The following OR10G3 variants were observed in gnomAD, a reference collection of about 807,000 sequenced individuals.
The protein encoded by OR10G3 is olfactory receptor family 10 subfamily G member 3, also known as olfactory receptor 10G3.
OR10G3 carries 8 observed loss-of-function variants against 13.4 expected under a neutral mutation model. The observed-to-expected ratio is 0.60, with a 90% CI of 0.35 to 1.08. The LOEUF is 1.08. OR10G3 is among the 50% of genes least tolerant of loss of function. OR10G3 has a pLI of 0.02. For synonymous variants in OR10G3, 142 were observed against 156.1 expected (o/e 0.91, Z 0.67); for missense variants, 393 against 386.6 (o/e 1.02, Z -0.14).
At chr14:21,578,894 A>G (rs1876819983) in intron 1 of OR10G3, among the ~76,000 whole-genome samples, 1 of 152,254 alleles carries the variant, frequency 6.6e-6, no homozygotes, top group South Asian at 2.1e-4. Flanking sequence ...GAGACATGAG[A>G]CAATTTCTAT....
chr14:21,578,010 A>G (rs1876798914), intron 1 of OR10G3, among the ~76,000 whole-genome samples: 1 of 152,174 alleles, frequency 6.6e-6, no homozygotes, highest in Non-Finnish European at 1.5e-5. Flanking sequence ...CTCAAAAAAA[A>G]AGAAAAAAGC....
intron 1 of OR10G3, chr14:21,574,812 G>C (rs1003208793): frequency 1.3e-5 from 2 of 152,112 alleles, no homozygotes; most frequent in African/African-American, 4.8e-5. Flanking sequence ...TTTACTGGGC[G>C]TATTGGCACG....
At chr14:21,572,010 G>T (rs199597343) in intron 1 of OR10G3, among the ~76,000 whole-genome samples, 1 of 151,628 alleles carries the variant, frequency 6.6e-6, no homozygotes. Flanking sequence ...AAGGGTTGGC[G>T]GGTGGGCTCG....
At chr14:21,576,598 G>A (rs985362643) in intron 1 of OR10G3, among the ~76,000 whole-genome samples, 4 of 152,090 alleles carry the variant, frequency 2.6e-5, no homozygotes, top group Admixed American at 2.0e-4. Context: ...GATTGCCTTT[G>A]TTATTTCCAT....
rs370817486 is a variant in OR10G3 at position 21,570,351 on chromosome 14, G to A, written c.394C>T (p.Arg132Cys). 18 of 1,614,178 alleles carry A rather than the reference G, an allele frequency of 1.1e-5. No homozygotes were observed. The highest frequency in any genetic ancestry group is 1.1e-4 in the African/African-American group (8 of 75,054). Residue 132 changes from arginine to cysteine, a missense_variant, in exon 2 of 2, where the codon CGC (arginine) becomes TGC (cysteine). Physicochemically the swap from Arg to Cys is radical, Grantham distance 180. Coordinates refer to ENST00000641040, the MANE Select transcript of OR10G3 (RefSeq NM_001005465.2). ...TTAGCAGTCATGAGCACAGGGTAGC[G>A]CAGGGGCTGACATATTGCCAGGTAC... ...DRYLAICQPL[R>C]YPVLMTAKLS...
rs74618428 is a variant in OR10G3, at chr14:21,569,108, C to T, written c.*695G>A. On this transcript the variant is annotated 3_prime_UTR_variant, in exon 2 of 2. Transcript: ENST00000641040. ...TCACTCACATGGTCACAAGGTCCCA[C>T]AATAGGCCATCTGCAGGCTGAGGAG... 6.6e-6 allele frequency: 1 copy of T among 152,196 alleles called. No individual in the cohort carries two copies. Among genetic ancestry groups the T allele is most frequent in the African/African-American group, 2.4e-5 (1 of 41,306 alleles). The allele number at this position is 152,196 out of a possible 1,614,324, so 9.4% of individuals were successfully genotyped here. A position where few individuals can be genotyped will look rare whatever the true frequency, so the allele number is the denominator to read the frequency against.
rs145180023 is a variant in OR10G3 at position 21,570,123 on chromosome 14, C to T, written c.622G>A (p.Val208Ile). 1.9e-6 allele frequency: 3 copies of T among 1,614,094 alleles called. No homozygotes were observed. Among genetic ancestry groups the T allele is most frequent in the African/African-American group, 2.7e-5 (2 of 74,934 alleles). ...AGGATCAGGGAGAAGCAACTGGCAA[C>T]CACCACCCCAATGTCTACAAACGTC... ...LVTFVDIGVV[V>I]ASCFSLILLS... Residue 208 changes from valine to isoleucine, a missense_variant, in exon 2 of 2, where the codon GTT (valine) becomes ATT (isoleucine). Transcript: ENST00000641040.
chr14:21,578,240 G>A (rs1437083951), intron 1 of OR10G3, among the ~76,000 whole-genome samples: 1 of 151,224 alleles, frequency 6.6e-6, no homozygotes, highest in African/African-American at 2.4e-5. Context: ...GTGAAACCTC[G>A]TCTCTACTAA....
intron 1 of OR10G3, among the ~76,000 whole-genome samples, chr14:21,576,808 C>A (rs1248815228): frequency 1.3e-5 from 2 of 152,106 alleles, no homozygotes; most frequent in Non-Finnish European, 2.9e-5. Context: ...TTTTATTCAA[C>A]CAGAGAATAG....
intron 1 of OR10G3, among the ~76,000 whole-genome samples, chr14:21,578,024 A>G (rs1876799230): frequency 6.6e-6 from 1 of 152,150 alleles, no homozygotes; most frequent in Non-Finnish European, 1.5e-5. Flanking sequence ...AAAAAGCCTG[A>G]AGGCTTAGTA....
chr14:21,577,185 A>AAGAGAG (rs111838316), intron 1 of OR10G3, among the ~76,000 whole-genome samples: 1 of 146,744 alleles, frequency 6.8e-6, no homozygotes, highest in South Asian at 2.1e-4. Context: ...TCAAAAATAA[A>AAGAGAG]AGAGAGAGAG....
At chr14:21,572,452 C>G (rs1361250733) in intron 1 of OR10G3, among the ~76,000 whole-genome samples, 1 of 150,946 alleles carries the variant, frequency 6.6e-6, no homozygotes. Context: ...CAAAAATTAG[C>G]CAGGTGTGGT....
At chr14:21,578,002 CA>C (rs201655439) in intron 1 of OR10G3, among the ~76,000 whole-genome samples, 6 of 148,310 alleles carry the variant, frequency 4.0e-5, no homozygotes, top group African/African-American at 9.9e-5. Flanking sequence ...AACTCCAACT[CA>C]AAAAAAAAGA....
Position 21,570,095 on chromosome 14 carries a change from A to G in OR10G3, c.650T>C (p.Leu217Pro), listed in dbSNP as rs778999349. The change falls in exon 2 of 2, where the codon CTC (leucine) becomes CCC (proline). Residue 217 changes from leucine (L) to proline (P), a missense_variant. Physicochemically the swap from Leu to Pro is moderately conservative, Grantham distance 98. Coordinates refer to ENST00000641040, the MANE Select transcript of OR10G3 (RefSeq NM_001005465.2). Reference sequence around the variant, plus strand: ...GGCCTGAATGATCTGTATGTAGGAGAGGAGGATCAGGGAGAAGCAACTGGC... The same window carrying G: ...GGCCTGAATGATCTGTATGTAGGAGGGGAGGATCAGGGAGAAGCAACTGGC... Reference protein sequence around the residue: ...VVASCFSLILLSYIQIIQAIL... With the variant: ...VVASCFSLILPSYIQIIQAIL... 1.9e-6 allele frequency: 3 copies of G among 1,614,038 alleles called. No individual in the cohort carries two copies. Among genetic ancestry groups the G allele is most frequent in the Non-Finnish European group, 2.5e-6 (3 of 1,180,032 alleles).
chr14:21,574,164 G>C (rs1286206593), intron 1 of OR10G3, among the ~76,000 whole-genome samples: 1 of 151,966 alleles, frequency 6.6e-6, no homozygotes, highest in Non-Finnish European at 1.5e-5. Flanking sequence ...TTAGTCGGGC[G>C]TGATGGTGGG....
chr14:21,570,822 A>G, intron 1 of OR10G3, 61 bp from the exon 2 acceptor site: 1 of 965,196 alleles, frequency 1.0e-6, no homozygotes. Context: ...GGGGAACTAG[A>G]AAGAGATTGT....
In OR10G3 at chr14:21,570,024, T is replaced by A; in HGVS notation, c.721A>T (p.Thr241Ser). The change falls in exon 2 of 2, where the codon ACT becomes TCT. Residue 241 changes from threonine to serine, a missense_variant. Thr to Ser is a moderately conservative substitution (Grantham distance 58). Coordinates refer to ENST00000641040, the MANE Select transcript of OR10G3 (RefSeq NM_001005465.2). ...ACCACGGTTACATGGGCTCCACAAG[T>A]TGAAAAAGCCCGGCGCCGCCCATCA... ...TADGRRRAFSTCGAHVTVVTV... is the reference protein window; with the variant it reads ...TADGRRRAFSSCGAHVTVVTV... The A allele has an allele frequency of 1.2e-6, 2 of 1,614,110 alleles. No homozygotes were observed. Among genetic ancestry groups the A allele is most frequent in the South Asian group, 2.2e-5 (2 of 91,072 alleles).
intron 1 of OR10G3, among the ~76,000 whole-genome samples, chr14:21,573,815 A>T (rs1020082486): frequency 6.6e-6 from 1 of 152,228 alleles, no homozygotes; most frequent in African/African-American, 2.4e-5. Context: ...CTACAAAAAA[A>T]GACAAGTATG....
chr14:21,577,541 G>T (rs917632829), intron 1 of OR10G3, among the ~76,000 whole-genome samples: 1 of 152,166 alleles, frequency 6.6e-6, no homozygotes, highest in African/African-American at 2.4e-5. Context: ...GAGTTTTATG[G>T]TTCATTCTGT....
Sources: gnomAD v4.1 joint callset for allele counts (sites outside exome capture counted in the v4.1 genomes callset) on GRCh38, gnomAD v4.1.1 for gene constraint, MANE v1.5 for transcripts, NCBI Gene and HGNC (gene_info 2026-07-23, HGNC 2026-07-21) for gene names.